TBCD: variants seen among roughly 807,000 people sequenced by gnomAD.
TBCD encodes the protein tubulin folding cofactor D.
In TBCD, 105 loss-of-function variants were observed where a neutral mutation model predicts 169.3. That is an observed-to-expected ratio of 0.62 (90% CI 0.53 to 0.73). TBCD has a LOEUF of 0.73. Among genes scored for constraint, TBCD ranks in the 30% least tolerant of loss-of-function variants. The pLI, the probability that TBCD is intolerant of heterozygous loss-of-function variation, is 0.00. For missense variants in TBCD, 1,444 were observed against 1,600.1 expected, an observed-to-expected ratio of 0.90 and a Z score of 1.66; for synonymous variants, 700 against 643.9, an observed-to-expected ratio of 1.09 and a Z score of -1.32.
At chr17:82,906,587 C>T (rs773202856) in intron 20 of TBCD, among the ~76,000 whole-genome samples, 47 of 152,252 alleles carry the variant, frequency 3.1e-4, no homozygotes, top group Non-Finnish European at 4.3e-4. Flanking sequence ...CATCGACTGT[C>T]GTCTTACGTT....
chr17:82,942,759 C>T lies in TBCD; in HGVS notation c.*296C>T. 2 of 520,472 alleles carry T rather than the reference C, an allele frequency of 3.8e-6. No homozygotes were observed. Among genetic ancestry groups the T allele is most frequent in the East Asian group, 3.4e-5 (1 of 29,282 alleles). 32.2% of individuals were successfully genotyped at this position (520,472 alleles called of 1,614,324 possible). A position where few individuals can be genotyped will look rare whatever the true frequency, so the allele number is the denominator to read the frequency against. ...TGTGTAGGGGTGATGGAAAGGCTCA[C>T]TGCCCAGGGGTCAGCCAGAGGGGAG... On this transcript the variant is annotated 3_prime_UTR_variant, in exon 39 of 39. Transcript: ENST00000355528.
intron 13 of TBCD, among the ~76,000 whole-genome samples, chr17:82,820,966 T>G (rs893607094): frequency 3.4e-4 from 52 of 152,328 alleles, no homozygotes; most frequent in African/African-American, 1.2e-3. Context: ...TTTTAATAAT[T>G]TCTTTTTGAG....
rs753825990 is a variant in TBCD, at chr17:82,781,689, G to T, written c.739G>T (p.Val247Phe). Residue 247 changes from valine (V) to phenylalanine (F), a missense_variant, in exon 7 of 39, where the codon GTC becomes TTC. Physicochemically the swap from Val to Phe is conservative, Grantham distance 50. Transcript: ENST00000355528. Reference protein sequence around the residue: ...ARSSFQTMQGVITMDGTLQAL... With the variant: ...ARSSFQTMQGFITMDGTLQAL... ...TTCCTCCTTCCAGACCATGCAGGGGGTCATCACCATGGATGGGACGCTGCA... is the reference window on the plus strand; with the variant it reads ...TTCCTCCTTCCAGACCATGCAGGGGTTCATCACCATGGATGGGACGCTGCA... 4.3e-6 allele frequency: 7 copies of T among 1,613,844 alleles called. No homozygotes were observed. The South Asian group carries it at 7.7e-5, about 18-fold the overall frequency.
intron 13 of TBCD, chr17:82,865,650 C>G (rs145282246): frequency 8.3e-5 from 48 of 580,012 alleles, no homozygotes; most frequent in Non-Finnish European, 9.8e-5. Context: ...CAGCACGATG[C>G]AGTTTATGCC....
chr17:82,850,071 G>GCCTGTGCT (rs2055581962), intron 13 of TBCD, among the ~76,000 whole-genome samples: 1 of 34,088 alleles, frequency 2.9e-5, no homozygotes, highest in African/African-American at 1.3e-4. Flanking sequence ...TGCTGCTGTT[G>GCCTGTGCT]GCTGTGCTGT....
At chr17:82,859,225 A>G (rs934953142) in intron 13 of TBCD, among the ~76,000 whole-genome samples, 1 of 142,900 alleles carries the variant, frequency 7.0e-6, no homozygotes. Flanking sequence ...GCTTTCAGGG[A>G]AAGAGAGTCT....
At chr17:82,848,737 A>G (rs2055371501) in intron 13 of TBCD, among the ~76,000 whole-genome samples, 1 of 152,200 alleles carries the variant, frequency 6.6e-6, no homozygotes, top group Non-Finnish European at 1.5e-5. Flanking sequence ...CGAACAGACA[A>G]AAGGTCAATG....
chr17:82,902,775 ATT>A (rs2059978523), intron 18 of TBCD, among the ~76,000 whole-genome samples: 1 of 152,056 alleles, frequency 6.6e-6, no homozygotes, highest in Admixed American at 6.5e-5. Flanking sequence ...CCTCATGATG[ATT>A]TTAAGTCAGG....
chr17:82,754,782 G>T (rs889488706), intron 1 of TBCD, among the ~76,000 whole-genome samples: 3 of 152,244 alleles, frequency 2.0e-5, no homozygotes, highest in African/African-American at 7.2e-5. Context: ...TTCAGATGTG[G>T]AGGTGGGAGC....
intron 29 of TBCD, 151 bp from the exon 30 acceptor site, chr17:82,927,754 C>A: frequency 1.5e-6 from 1 of 684,014 alleles, no homozygotes; most frequent in Admixed American, 2.3e-5. Context: ...GGAACCTCTG[C>A]AGGCCCCGTG....
chr17:82,914,369 T>C (rs574972767), intron 23 of TBCD, among the ~76,000 whole-genome samples: 4 of 152,298 alleles, frequency 2.6e-5, no homozygotes, highest in African/African-American at 9.6e-5. Context: ...ACGTGTGCTG[T>C]TGGGATGCAT....
intron 13 of TBCD, chr17:82,860,328 C>A: frequency 1.0e-6 from 1 of 970,924 alleles, no homozygotes; most frequent in Non-Finnish European, 1.2e-6. Flanking sequence ...CGTCCCCTCC[C>A]CTCTGGTGGC....
chr17:82,806,308 C>T lies in TBCD; in HGVS notation c.1087+297C>T, dbSNP rs1048223560. ...GTGTGTCCTCAGGAAACAGTTCTCC[C>T]AGGAAATTGAGTTGGGGTCCCTGGG... On this transcript the variant is annotated intron_variant, in intron 10 of 38. Transcript: ENST00000355528. The surrounding 1 kb of genome is among the most constrained non-coding windows in gnomAD (Gnocchi z 5.1). Among the ~76,000 whole-genome samples the T allele has an allele frequency of 2.0e-5, 3 of 152,142 alleles. No individual in the cohort carries two copies. Among genetic ancestry groups the T allele is most frequent in the Non-Finnish European group, 4.4e-5 (3 of 68,010 alleles).
chr17:82,894,998 C>G (rs1423211371), intron 17 of TBCD, among the ~76,000 whole-genome samples: 1 of 152,234 alleles, frequency 6.6e-6, no homozygotes, highest in Non-Finnish European at 1.5e-5. Flanking sequence ...AATCTACCAC[C>G]TTTTCCCGAG....
chr17:82,870,034 T>C (rs993055693), intron 13 of TBCD, among the ~76,000 whole-genome samples, 190 bp from the exon 14 acceptor site: 1 of 152,160 alleles, frequency 6.6e-6, no homozygotes, highest in African/African-American at 2.4e-5. Flanking sequence ...CTTCCTTTCG[T>C]AGGTTTGTTT....
At chr17:82,876,619 G>A (rs1477758622) in intron 14 of TBCD, among the ~76,000 whole-genome samples, 2 of 152,208 alleles carry the variant, frequency 1.3e-5, no homozygotes, top group Non-Finnish European at 2.9e-5. Flanking sequence ...TCCAAATCAG[G>A]ACAGTGTTAA....
In TBCD at chr17:82,945,585, TAA is replaced by T. The variant is rs1347685656; in HGVS notation, c.*3123_*3124del. ...ATAACATTAAAGAAGAGAACAAAATTAAGTCATTTAGATAAAAATATGCCATT... is the reference window on the plus strand; with the variant it reads ...ATAACATTAAAGAAGAGAACAAAATTGTCATTTAGATAAAAATATGCCATT... On this transcript the variant is annotated 3_prime_UTR_variant, in exon 39 of 39. Coordinates refer to ENST00000355528, the MANE Select transcript of TBCD (RefSeq NM_005993.5). 6.6e-6 allele frequency: 1 copy of T among 152,266 alleles called. No homozygotes were observed. The highest frequency in any genetic ancestry group is 1.5e-5 in the Non-Finnish European group (1 of 68,030). The allele number at this position is 152,266 out of a possible 1,614,324, so 9.4% of individuals were successfully genotyped here. A position where few individuals can be genotyped will look rare whatever the true frequency, so the allele number is the denominator to read the frequency against.
At chr17:82,927,860 C>T (rs1012383093) in intron 29 of TBCD, 45 bp from the exon 30 acceptor site, 4 of 1,564,250 alleles carry the variant, frequency 2.6e-6, no homozygotes, top group Admixed American at 3.3e-5. Flanking sequence ...AGGGTTGGAA[C>T]CCCCCTCTCA....
Position 82,807,639 on chromosome 17 carries a change from C to A in TBCD, c.1119C>A (p.Asp373Glu). 1.3e-6 allele frequency: 2 copies of A among 1,557,138 alleles called. No individual in the cohort carries two copies. The highest frequency in any genetic ancestry group is 1.7e-6 in the Non-Finnish European group (2 of 1,150,686). ...EQLLVGLKDKDTVVRWSAAKG... is the reference protein window; with the variant it reads ...EQLLVGLKDKETVVRWSAAKG... Reference sequence around the variant, plus strand: ...TGCTGGTCGGGCTGAAGGACAAGGACACGGTCGTGCGGTGGTCTGCAGCCA... The same window carrying A: ...TGCTGGTCGGGCTGAAGGACAAGGAAACGGTCGTGCGGTGGTCTGCAGCCA... Residue 373 changes from aspartate (D) to glutamate (E), a missense_variant, in exon 11 of 39, where the codon GAC becomes GAA. Coordinates refer to ENST00000355528, the MANE Select transcript of TBCD (RefSeq NM_005993.5).
Sources: allele counts gnomAD v4.1 joint callset (sites outside exome capture counted in the v4.1 genomes callset), GRCh38; gene constraint gnomAD v4.1.1; non-coding constraint Gnocchi (gnomAD v3.1); transcripts MANE v1.5; gene names NCBI Gene and HGNC (gene_info 2026-07-23, HGNC 2026-07-21).